Variants in CACNA2D3 observed in about 807,000 individuals in gnomAD.
The protein encoded by CACNA2D3 is calcium voltage-gated channel auxiliary subunit alpha2delta 3, also known as voltage-dependent calcium channel subunit alpha-2/delta-3.
CACNA2D3 carries 60 observed loss-of-function variants against 160.6 expected under a neutral mutation model. The ratio of observed to expected loss-of-function variants is 0.37; its 90% CI spans 0.30 to 0.46. CACNA2D3 has a LOEUF of 0.46. Ranked by LOEUF, CACNA2D3 falls within the 20% of genes least tolerant of loss-of-function variation. The pLI is 1.00. For missense variants in CACNA2D3, 1,205 were observed against 1,365.0 expected, an observed-to-expected ratio of 0.88 and a Z score of 1.85; for synonymous variants, 558 against 492.9, an observed-to-expected ratio of 1.13 and a Z score of -1.75.
intron 11 of CACNA2D3, among the ~76,000 whole-genome samples, chr3:54,647,912 A>G (rs895676610): frequency 6.6e-6 from 1 of 152,214 alleles, no homozygotes; most frequent in Admixed American, 6.5e-5. Context: ...TCCATTGGTT[A>G]TGACTTAACA....
rs1254536731 is a variant in CACNA2D3, at chr3:54,766,815, A to C, written c.1380+2464A>C. ...GAGTGATTTACAGAATATACTTCTA[A>C]GTAAAATGAGCAAAATCACATATAG... is the stretch of plus-strand genomic sequence containing the variant. On this transcript the variant is annotated intron_variant, in intron 13 of 37. Coordinates refer to ENST00000474759, the MANE Select transcript of CACNA2D3 (RefSeq NM_018398.3). Among the ~76,000 whole-genome samples, 3 of 152,140 alleles carry C rather than the reference A, an allele frequency of 2.0e-5. 1 individual carries two copies. The highest frequency in any genetic ancestry group is 7.2e-5 in the African/African-American group (3 of 41,434).
At chr3:54,131,546 G>T (rs1699707891) in intron 2 of CACNA2D3, among the ~76,000 whole-genome samples, 1 of 152,200 alleles carries the variant, frequency 6.6e-6, no homozygotes, top group South Asian at 2.1e-4. Flanking sequence ...AGTTGTTTAG[G>T]ACGATATGTG....
chr3:54,155,447 G>A (rs1700229295), intron 2 of CACNA2D3, among the ~76,000 whole-genome samples: 1 of 152,150 alleles, frequency 6.6e-6, no homozygotes, highest in Admixed American at 6.5e-5. Context: ...GCTCAGAAGG[G>A]ACCACATAAC....
At chr3:54,467,118 G>T (rs1218625301) in intron 4 of CACNA2D3, among the ~76,000 whole-genome samples, 1 of 151,030 alleles carries the variant, frequency 6.6e-6, no homozygotes, top group Non-Finnish European at 1.5e-5. Context: ...AACAATAGGG[G>T]TCCTGGCTGG....
chr3:55,039,448 C>A (rs1324104635), intron 35 of CACNA2D3, among the ~76,000 whole-genome samples: 2 of 152,108 alleles, frequency 1.3e-5, no homozygotes, highest in Non-Finnish European at 2.9e-5. Flanking sequence ...GACAGACATA[C>A]AAAATTAGGA....
At chr3:54,762,227 CCT>C (rs1702093606) in intron 12 of CACNA2D3, among the ~76,000 whole-genome samples, 1 of 152,106 alleles carries the variant, frequency 6.6e-6, no homozygotes, top group East Asian at 1.9e-4. Context: ...TTAACTCTAC[CCT>C]CTCTCTACCA....
chr3:54,463,142 T>A (rs947591089), intron 4 of CACNA2D3, among the ~76,000 whole-genome samples: 1 of 152,184 alleles, frequency 6.6e-6, no homozygotes, highest in Non-Finnish European at 1.5e-5. Context: ...CGCCGAGAGA[T>A]CCGCTGTTAG....
At chr3:54,923,981 G>A (rs1296451345) in intron 27 of CACNA2D3, among the ~76,000 whole-genome samples, 7 of 152,220 alleles carry the variant, frequency 4.6e-5, no homozygotes, top group Non-Finnish European at 1.0e-4. Flanking sequence ...TACAGAAACG[G>A]GAGATGGGCT....
At chr3:54,711,477 C>G (rs1379040611) in intron 11 of CACNA2D3, among the ~76,000 whole-genome samples, 2 of 152,154 alleles carry the variant, frequency 1.3e-5, no homozygotes, top group Non-Finnish European at 2.9e-5. Context: ...TGAGGAGACA[C>G]CAGTGGATTT....
chr3:54,465,124 C>T (rs1700597040), intron 4 of CACNA2D3, among the ~76,000 whole-genome samples: 1 of 151,548 alleles, frequency 6.6e-6, no homozygotes, highest in Non-Finnish European at 1.5e-5. Context: ...TTTTCTGCTT[C>T]ATCTAGTCTG....
chr3:54,924,655 C>A, intron 27 of CACNA2D3: 2 of 1,614,030 alleles, frequency 1.2e-6, no homozygotes, highest in African/African-American at 1.3e-5. Context: ...AGTTTAAGAC[C>A]GAGCAAGTGG....
intron 2 of CACNA2D3, among the ~76,000 whole-genome samples, chr3:54,294,854 G>T (rs1559912651): frequency 1.3e-5 from 2 of 152,186 alleles, no homozygotes; most frequent in South Asian, 4.2e-4. Context: ...GGCCTTAGTG[G>T]CTTCTCTTGC....
chr3:54,792,608 G>C (rs1702782800), intron 13 of CACNA2D3, among the ~76,000 whole-genome samples: 1 of 152,068 alleles, frequency 6.6e-6, no homozygotes, highest in Non-Finnish European at 1.5e-5. Flanking sequence ...TTTTTCCCCT[G>C]TGTGCAGTCA....
chr3:54,654,541 T>C (rs1351887659), intron 11 of CACNA2D3, among the ~76,000 whole-genome samples: 2 of 151,994 alleles, frequency 1.3e-5, no homozygotes, highest in African/African-American at 2.4e-5. Flanking sequence ...ACCACCTCAA[T>C]AGTTCGTATG....
intron 11 of CACNA2D3, among the ~76,000 whole-genome samples, chr3:54,721,831 G>T (rs1701175452): frequency 6.6e-6 from 1 of 151,692 alleles, no homozygotes; most frequent in Non-Finnish European, 1.5e-5. Context: ...TTTCTCTCTG[G>T]CTGCCTTAAC....
intron 2 of CACNA2D3, among the ~76,000 whole-genome samples, chr3:54,315,792 A>G (rs917483973): frequency 6.6e-6 from 1 of 152,112 alleles, no homozygotes; most frequent in Non-Finnish European, 1.5e-5. Context: ...TACACACAGG[A>G]CTCATTTTAC....
At chr3:54,194,375 TAAAA>T (rs1226240152) in intron 2 of CACNA2D3, among the ~76,000 whole-genome samples, 1 of 152,110 alleles carries the variant, frequency 6.6e-6, no homozygotes, top group Non-Finnish European at 1.5e-5. Flanking sequence ...TAAAAGTAGT[TAAAA>T]AAAGTCATAA....
intron 27 of CACNA2D3, among the ~76,000 whole-genome samples, chr3:54,955,942 T>G (rs541913742): frequency 3.3e-5 from 5 of 152,084 alleles, no homozygotes; most frequent in Non-Finnish European, 5.9e-5. Context: ...GAGAAAAAAT[T>G]GGTATTCTCC....
At chr3:54,177,504 G>T (rs563211768) in intron 2 of CACNA2D3, among the ~76,000 whole-genome samples, 1 of 152,134 alleles carries the variant, frequency 6.6e-6, no homozygotes, top group African/African-American at 2.4e-5. Flanking sequence ...CTTTTTTAAT[G>T]GAGTAGTTCA....
Sources: allele counts gnomAD v4.1 joint callset (sites outside exome capture counted in the v4.1 genomes callset), GRCh38; gene constraint gnomAD v4.1.1; transcripts MANE v1.5; gene names NCBI Gene and HGNC (gene_info 2026-07-23, HGNC 2026-07-21).